CYTH3: variants seen among roughly 807,000 people sequenced by gnomAD.
CYTH3 encodes cytohesin-3.
A neutral mutation model predicts 55.1 loss-of-function variants in CYTH3; 23 were observed. The observed-to-expected ratio is 0.42, with a 90% confidence interval of 0.30 to 0.59. CYTH3 has a LOEUF of 0.59. Among genes scored for constraint, CYTH3 ranks in the 20% least tolerant of loss-of-function variants. The pLI is 0.20. For synonymous variants in CYTH3, 249 were observed against 194.9 expected, an observed-to-expected ratio of 1.28 and a Z score of -2.31; for missense variants, 413 against 524.8, an observed-to-expected ratio of 0.79 and a Z score of 2.08.
chr7:6,265,669 C>T (rs1023019121), intron 1 of CYTH3, among the ~76,000 whole-genome samples: 23 of 151,168 alleles, frequency 1.5e-4, no homozygotes, highest in Non-Finnish European at 2.1e-4. Flanking sequence ...TAAACTACAG[C>T]GTGTGGGCCA....
intron 1 of CYTH3, among the ~76,000 whole-genome samples, chr7:6,203,239 C>T (rs1784100387): frequency 6.6e-6 from 1 of 151,688 alleles, no homozygotes; most frequent in Admixed American, 6.6e-5. Context: ...CAATAGCAAG[C>T]TTGATTTAAT....
intron 1 of CYTH3, among the ~76,000 whole-genome samples, chr7:6,206,456 G>A (rs538041743): frequency 1.3e-5 from 2 of 152,206 alleles, no homozygotes; most frequent in African/African-American, 4.8e-5. Context: ...AATCTGGGGA[G>A]GCAGAAAGTA....
intron 4 of CYTH3, among the ~76,000 whole-genome samples, chr7:6,185,253 A>T (rs1251902906): frequency 6.6e-6 from 1 of 152,240 alleles, no homozygotes. Context: ...CATTAAACAA[A>T]AACCCTCCTC....
intron 9 of CYTH3, among the ~76,000 whole-genome samples, chr7:6,168,389 C>A (rs1278673028): frequency 6.6e-6 from 1 of 151,994 alleles, no homozygotes; most frequent in Non-Finnish European, 1.5e-5. Context: ...AGAATGCAAC[C>A]AAGCCAGGCC....
chr7:6,262,905 C>T (rs1440966808), intron 1 of CYTH3, among the ~76,000 whole-genome samples: 4 of 151,538 alleles, frequency 2.6e-5, no homozygotes, highest in Admixed American at 2.6e-4. Flanking sequence ...GGCAACAGAG[C>T]GCGACTCTAA....
Position 6,211,782 on chromosome 7 carries a change from T to A in CYTH3, c.35-21251A>T, listed in dbSNP as rs117669734. Among the ~76,000 whole-genome samples, 110 of 152,234 alleles carry A rather than the reference T, an allele frequency of 7.2e-4. 1 individual carries two copies. The highest frequency in any genetic ancestry group is 1.3e-3 in the Non-Finnish European group (88 of 67,994). ...GGAGGCTGAGGCGGGTGGACCACTG[T>A]GGCCCAGAGTTTGAGACAAGCCTGG... On this transcript the variant is annotated intron_variant, in intron 1 of 12. Transcript: ENST00000350796.
intron 1 of CYTH3, among the ~76,000 whole-genome samples, chr7:6,210,608 C>T (rs1326383031): frequency 1.3e-5 from 2 of 152,188 alleles, no homozygotes; most frequent in East Asian, 3.8e-4. Flanking sequence ...GGAACTTTGG[C>T]TAAAAATGCG....
intron 1 of CYTH3, among the ~76,000 whole-genome samples, chr7:6,194,163 CAAAAAAG>C (rs1166878621): frequency 6.6e-6 from 1 of 151,768 alleles, no homozygotes; most frequent in African/African-American, 2.4e-5. Flanking sequence ...GAAACAGACA[CAAAAAAG>C]CAAAAAGGGA....
chr7:6,237,930 C>T (rs947790537), intron 1 of CYTH3, among the ~76,000 whole-genome samples: 11 of 152,228 alleles, frequency 7.2e-5, no homozygotes, highest in South Asian at 6.2e-4. Context: ...CAAGTATCAT[C>T]CTATAATGCT....
At chr7:6,205,875 TAAAAAAAAAAAAAAA>T (rs370194149) in intron 1 of CYTH3, among the ~76,000 whole-genome samples, 4 of 28,076 alleles carry the variant, frequency 1.4e-4, no homozygotes, top group African/African-American at 3.1e-4. Context: ...TCCTATCTCT[TAAAAAAAAAAAAAAA>T]AAAAAAAAAA....
intron 4 of CYTH3, among the ~76,000 whole-genome samples, chr7:6,179,738 CCA>C (rs748759275): frequency 1.6e-4 from 17 of 105,492 alleles, no homozygotes; most frequent in East Asian, 1.3e-3. Context: ...CACACACCCA[CCA>C]CACACACCCC....
chr7:6,251,553 C>T (rs919525691), intron 1 of CYTH3, among the ~76,000 whole-genome samples: 4 of 152,072 alleles, frequency 2.6e-5, no homozygotes, highest in African/African-American at 4.8e-5. Context: ...TGTGAAGGAC[C>T]GCAAAATTCT....
At chr7:6,246,675 C>G (rs753564298) in intron 1 of CYTH3, among the ~76,000 whole-genome samples, 1 of 151,018 alleles carries the variant, frequency 6.6e-6, no homozygotes, top group Non-Finnish European at 1.5e-5. Flanking sequence ...AGTCCCTGCC[C>G]CACCCCCACC....
chr7:6,214,245 C>G (rs1784381514), intron 1 of CYTH3, among the ~76,000 whole-genome samples: 1 of 152,118 alleles, frequency 6.6e-6, no homozygotes, highest in Non-Finnish European at 1.5e-5. Flanking sequence ...GGGTTTACAC[C>G]TAAGCCACTG....
chr7:6,267,777 C>T (rs1780539239), intron 1 of CYTH3, among the ~76,000 whole-genome samples: 1 of 152,178 alleles, frequency 6.6e-6, no homozygotes, highest in South Asian at 2.1e-4. Flanking sequence ...CCGCCTTGGC[C>T]TCCCAAAGTG....
chr7:6,173,130 AC>A, intron 6 of CYTH3: 3 of 946,144 alleles, frequency 3.2e-6, no homozygotes, highest in Non-Finnish European at 3.8e-6. Flanking sequence ...CAGCCAGGGC[AC>A]CAAGGAAGGA....
chr7:6,208,009 T>C (rs188475949), intron 1 of CYTH3, among the ~76,000 whole-genome samples: 5 of 152,226 alleles, frequency 3.3e-5, no homozygotes, highest in Admixed American at 1.3e-4. Flanking sequence ...AACTGTTCTA[T>C]AGGATGATAC....
At chr7:6,196,900 G>A (rs1384905515) in intron 1 of CYTH3, among the ~76,000 whole-genome samples, 1 of 152,186 alleles carries the variant, frequency 6.6e-6, no homozygotes, top group East Asian at 1.9e-4. Flanking sequence ...TTCTTCTGCT[G>A]AGCTCTCCTG....
At chr7:6,208,124 C>T (rs1784238717) in intron 1 of CYTH3, among the ~76,000 whole-genome samples, 1 of 152,160 alleles carries the variant, frequency 6.6e-6, no homozygotes, top group African/African-American at 2.4e-5. Flanking sequence ...TGTAGGTATA[C>T]ACATCTATCA....
Sources: gnomAD v4.1 joint callset for allele counts (sites outside exome capture counted in the v4.1 genomes callset) on GRCh38, gnomAD v4.1.1 for gene constraint, MANE v1.5 for transcripts, NCBI Gene and HGNC (gene_info 2026-07-23, HGNC 2026-07-21) for gene names.